PHLPP1: variants seen among roughly 807,000 people sequenced by gnomAD.
PHLPP1 encodes the protein PH domain and leucine rich repeat protein phosphatase 1.
A neutral mutation model predicts 117.2 loss-of-function variants in PHLPP1; 42 were observed. The observed-to-expected ratio is 0.36, with a 90% CI of 0.28 to 0.46. The LOEUF (loss-of-function observed/expected upper bound fraction) is 0.46. Ranked by LOEUF, PHLPP1 falls within the 20% of genes least tolerant of loss-of-function variation. The pLI is 1.00. For missense variants in PHLPP1, 2,084 were observed against 2,241.9 expected, an observed-to-expected ratio of 0.93 and a Z score of 1.42; for synonymous variants, 1,042 against 970.7, an observed-to-expected ratio of 1.07 and a Z score of -1.37.
Position 62,717,087 on chromosome 18 carries a change from G to T in PHLPP1, c.1404G>T (p.Pro468=), listed in dbSNP as rs1397119253. ...AGAAGGCGCCTCCGCCGCCCCCGCC[G>T]CCCACCCTGTACGTGCAGCTCCACG... ...TAEKAPPPPP[P]PTLYVQLHGE... is the part of the protein sequence containing the mutation. Residue 468 remains proline (P), a synonymous_variant, in exon 1 of 17, where the codon CCG becomes CCT. Coordinates refer to ENST00000262719, the MANE Select transcript of PHLPP1 (RefSeq NM_194449.4). 3.8e-6 allele frequency: 3 copies of T among 786,570 alleles called. No homozygotes were observed. Among genetic ancestry groups the T allele is most frequent in the African/African-American group, 1.8e-5 (1 of 55,712 alleles). 48.7% of individuals were successfully genotyped at this position (786,570 alleles called of 1,614,324 possible).
chr18:62,899,647 A>T (rs1354359962), intron 6 of PHLPP1, among the ~76,000 whole-genome samples: 2 of 152,170 alleles, frequency 1.3e-5, no homozygotes, highest in Non-Finnish European at 2.9e-5. Flanking sequence ...ACCTTGTTTT[A>T]TTCATCTCTT....
intron 1 of PHLPP1, among the ~76,000 whole-genome samples, chr18:62,801,165 C>T (rs1051247057): frequency 1.3e-4 from 20 of 150,354 alleles, no homozygotes; most frequent in Admixed American, 1.3e-3. Flanking sequence ...TCTCCTGCCT[C>T]AGCCTCCCAA....
chr18:62,804,381 T>G (rs1913877980), intron 1 of PHLPP1, among the ~76,000 whole-genome samples: 2 of 151,918 alleles, frequency 1.3e-5, no homozygotes, highest in Admixed American at 6.6e-5. Flanking sequence ...AGGTGTCTAG[T>G]TTTTTTATTC....
At chr18:62,847,388 G>A (rs945407285) in intron 3 of PHLPP1, among the ~76,000 whole-genome samples, 17 of 152,168 alleles carry the variant, frequency 1.1e-4, no homozygotes, top group Non-Finnish European at 2.1e-4. Flanking sequence ...TGTTCCTCAT[G>A]TGTTCTTGGT....
intron 10 of PHLPP1, among the ~76,000 whole-genome samples, chr18:62,928,545 C>G (rs996523861): frequency 6.6e-6 from 1 of 152,102 alleles, no homozygotes; most frequent in Admixed American, 6.5e-5. Context: ...AAACTGAAAC[C>G]TCGTACACTG....
At chr18:62,797,040 T>C (rs1338374750) in intron 1 of PHLPP1, among the ~76,000 whole-genome samples, 1 of 152,202 alleles carries the variant, frequency 6.6e-6, no homozygotes, top group East Asian at 1.9e-4. Flanking sequence ...AGATATCTGA[T>C]TTTATTGAAC....
At chr18:62,742,519 T>G (rs1211532997) in intron 1 of PHLPP1, among the ~76,000 whole-genome samples, 1 of 152,208 alleles carries the variant, frequency 6.6e-6, no homozygotes, top group Non-Finnish European at 1.5e-5. Context: ...CACTGCAACT[T>G]CCGCCTCCCG....
Position 62,858,877 on chromosome 18 carries a change from A to C in PHLPP1, c.1900-1558A>C, listed in dbSNP as rs117673560. ...GTAATAGTAATAGCAGTTAACATTT[A>C]TTGAGTGCTTTTTCTGTGCCAGGCA... On this transcript the variant is annotated intron_variant, in intron 3 of 16. Coordinates refer to ENST00000262719, the MANE Select transcript of PHLPP1 (RefSeq NM_194449.4). Among the ~76,000 whole-genome samples the C allele has an allele frequency of 6.0e-3, 910 of 152,298 alleles. 7 individuals carry two copies. The highest frequency in any genetic ancestry group is 9.9e-3 in the Non-Finnish European group (675 of 68,032).
At chr18:62,955,119 T>C (rs2144471171) in intron 12 of PHLPP1, among the ~76,000 whole-genome samples, 1 of 152,218 alleles carries the variant, frequency 6.6e-6, no homozygotes, top group South Asian at 2.1e-4. Flanking sequence ...TCAGGCATAT[T>C]GCACCAGATA....
intron 1 of PHLPP1, among the ~76,000 whole-genome samples, chr18:62,741,668 A>G (rs1911529882): frequency 6.7e-6 from 1 of 150,034 alleles, no homozygotes; most frequent in African/African-American, 2.5e-5. Context: ...TTTATAAATA[A>G]TTGTTTAATT....
chr18:62,777,848 G>T (rs1230897406), intron 1 of PHLPP1, among the ~76,000 whole-genome samples: 1 of 152,082 alleles, frequency 6.6e-6, no homozygotes, highest in African/African-American at 2.4e-5. Context: ...CTTCTCATTG[G>T]TGTCCTGCAT....
At chr18:62,759,850 C>T (rs1912157041) in intron 1 of PHLPP1, among the ~76,000 whole-genome samples, 1 of 152,176 alleles carries the variant, frequency 6.6e-6, no homozygotes, top group Non-Finnish European at 1.5e-5. Context: ...TTCTCTTTTG[C>T]AGCCTTGCTC....
intron 3 of PHLPP1, among the ~76,000 whole-genome samples, chr18:62,842,228 TTGTC>T (rs1183549130): frequency 6.6e-6 from 1 of 152,242 alleles, no homozygotes; most frequent in East Asian, 1.9e-4. Context: ...GGGTCTTAGT[TTGTC>T]TGAACAAGTT....
rs1909217120 is a variant in PHLPP1, at chr18:62,914,763, G to T, written c.2709-150G>T. ...CCTATCACAATTCATCTTGCTTCTA[G>T]AGAAAAGCGAATCCACACATTCTTT... On this transcript the variant is annotated intron_variant, in intron 8 of 16. Transcript: ENST00000262719. 10 of 607,052 alleles carry T rather than the reference G, an allele frequency of 1.6e-5. No individual in the cohort carries two copies. In the Admixed American group the frequency reaches 2.4e-4, roughly 14 times the overall value. 37.6% of individuals were successfully genotyped at this position (607,052 alleles called of 1,614,324 possible).
intron 1 of PHLPP1, among the ~76,000 whole-genome samples, chr18:62,808,565 T>TTTTTTTTTTTTTTTTTTTTTTA (rs747889895): frequency 2.0e-5 from 3 of 150,802 alleles, no homozygotes; most frequent in South Asian, 2.1e-4. Flanking sequence ...TTGTTTTTTT[T>TTTTTTTTTTTTTTTTTTTTTTA]TTTTGAGACG....
intron 4 of PHLPP1, 37 bp downstream of exon 4, chr18:62,860,638 G>T: frequency 6.5e-7 from 1 of 1,549,544 alleles, no homozygotes; most frequent in Non-Finnish European, 8.8e-7. Flanking sequence ...TTAGGAAGGG[G>T]TGGGGGCAGA....
intron 1 of PHLPP1, among the ~76,000 whole-genome samples, chr18:62,752,409 TTAAAAG>T (rs1568103457): frequency 6.6e-6 from 1 of 152,240 alleles, no homozygotes; most frequent in East Asian, 1.9e-4. Context: ...TGCATGGTCT[TTAAAAG>T]TAAGTATTAT....
At chr18:62,963,719 A>G (rs1398253753) in intron 14 of PHLPP1, among the ~76,000 whole-genome samples, 1 of 152,222 alleles carries the variant, frequency 6.6e-6, no homozygotes, top group Non-Finnish European at 1.5e-5. Flanking sequence ...CTGACACATT[A>G]TATCTATGTA....
intron 4 of PHLPP1, among the ~76,000 whole-genome samples, chr18:62,880,910 C>G (rs1200127818): frequency 6.6e-6 from 1 of 152,116 alleles, no homozygotes; most frequent in Non-Finnish European, 1.5e-5. Flanking sequence ...ACTCATGGAG[C>G]CTTCCACTGC....
Sources: allele counts gnomAD v4.1 joint callset (sites outside exome capture counted in the v4.1 genomes callset), GRCh38; gene constraint gnomAD v4.1.1; transcripts MANE v1.5; gene names NCBI Gene and HGNC (gene_info 2026-07-23, HGNC 2026-07-21).